CCSER1: variants seen among roughly 807,000 people sequenced by gnomAD.
CCSER1 encodes the protein coiled-coil serine rich protein 1.
CCSER1 carries 41 observed loss-of-function variants against 82.0 expected under a neutral mutation model. The ratio of observed to expected loss-of-function variants is 0.50; its 90% CI spans 0.39 to 0.65. The LOEUF (loss-of-function observed/expected upper bound fraction) is 0.65. CCSER1 is among the 30% of genes least tolerant of loss of function. The pLI, the probability that CCSER1 is intolerant of heterozygous loss-of-function variation, is 0.00. For missense variants in CCSER1, 1,119 were observed against 1,064.2 expected (o/e 1.05, Z -0.72); for synonymous variants, 414 against 383.9 (o/e 1.08, Z -0.92).
At chr4:90,932,994 A>AAGAAAGAAAGAAAGAAAGAAAG (rs1730278578) in intron 9 of CCSER1, among the ~76,000 whole-genome samples, 1 of 60,404 alleles carries the variant, frequency 1.7e-5, no homozygotes, top group Non-Finnish European at 3.0e-5. Context: ...GAAAGAAAGA[A>AAGAAAGAAAGAAAGAAAGAAAG]AGAAAGAAAG....
chr4:90,857,754 G>T (rs1475243703), intron 8 of CCSER1, among the ~76,000 whole-genome samples: 2 of 152,028 alleles, frequency 1.3e-5, no homozygotes, highest in East Asian at 3.9e-4. Context: ...ATGGGGAAAT[G>T]TAGGTCAAGG....
chr4:90,766,049 A>G (rs1386429088), intron 7 of CCSER1, among the ~76,000 whole-genome samples: 1 of 151,894 alleles, frequency 6.6e-6, no homozygotes, highest in Non-Finnish European at 1.5e-5. Flanking sequence ...AAAAAAAGGG[A>G]AAATGTGTGT....
rs560886670 is a variant in CCSER1, at chr4:90,966,328, GA to G, written c.2172+42890del. 9.1e-4 allele frequency among the ~76,000 whole-genome samples: 137 copies of G among 150,400 alleles called. 2 individuals are homozygous for G. The highest frequency in any genetic ancestry group is 6.7e-3 in the South Asian group (32 of 4,774). On this transcript the variant is annotated intron_variant, in intron 9 of 10. Coordinates refer to ENST00000509176, the MANE Select transcript of CCSER1 (RefSeq NM_001145065.2). The stretch of plus-strand genomic sequence containing the variant: ...AGTAGTTGAACTGTTGAAAGACAAA[GA>G]AAAAAAAATGTGAAGACAGCAAGAG...
intron 9 of CCSER1, among the ~76,000 whole-genome samples, chr4:91,075,848 T>A (rs1721939182): frequency 6.6e-6 from 1 of 152,116 alleles, no homozygotes; most frequent in Admixed American, 6.5e-5. Context: ...TGATTTTTTT[T>A]AAAGCAAATC....
At chr4:90,700,786 G>T (rs1485552938) in intron 6 of CCSER1, among the ~76,000 whole-genome samples, 1 of 152,124 alleles carries the variant, frequency 6.6e-6, no homozygotes, top group African/African-American at 2.4e-5. Flanking sequence ...ATAAATGTCT[G>T]CTTTTGAGAC....
intron 10 of CCSER1, among the ~76,000 whole-genome samples, chr4:91,432,413 T>C (rs1180084126): frequency 2.0e-5 from 3 of 152,204 alleles, no homozygotes; most frequent in Non-Finnish European, 4.4e-5. Flanking sequence ...ATAAATTCCA[T>C]GAAGAGGATT....
intron 10 of CCSER1, among the ~76,000 whole-genome samples, chr4:91,132,054 T>G (rs1728044976): frequency 6.6e-6 from 1 of 152,030 alleles, no homozygotes; most frequent in Non-Finnish European, 1.5e-5. Flanking sequence ...AGATTTAGAA[T>G]AACAAAACAA....
In CCSER1 at chr4:90,408,230, C is replaced by T. The variant is rs181537060; in HGVS notation, c.1603+8101C>T. Among the ~76,000 whole-genome samples, 203 of 152,314 alleles carry T rather than the reference C, an allele frequency of 1.3e-3. 1 individual carries two copies. Among genetic ancestry groups the T allele is most frequent in the African/African-American group, 4.6e-3 (190 of 41,584 alleles). On this transcript the variant is annotated intron_variant, in intron 4 of 10. Coordinates refer to ENST00000509176, the MANE Select transcript of CCSER1 (RefSeq NM_001145065.2). ...GGGCAGGGCACAGACAAACAAAAGA[C>T]AGCAATAACCTCTGCAGACTTAAAT...
chr4:91,348,120 A>AT (rs1232397452), intron 10 of CCSER1, among the ~76,000 whole-genome samples: 4 of 152,040 alleles, frequency 2.6e-5, no homozygotes, highest in Admixed American at 6.5e-5. Flanking sequence ...GTGTTTATAG[A>AT]TTTTTTATCA....
At chr4:90,530,567 G>A (rs1774379332) in intron 5 of CCSER1, among the ~76,000 whole-genome samples, 1 of 152,170 alleles carries the variant, frequency 6.6e-6, no homozygotes, top group South Asian at 2.1e-4. Flanking sequence ...AATATTCATG[G>A]AGATTCCTAG....
At chr4:90,297,807 C>T (rs1358049052) in intron 1 of CCSER1, among the ~76,000 whole-genome samples, 4 of 152,032 alleles carry the variant, frequency 2.6e-5, no homozygotes, top group East Asian at 3.9e-4. Context: ...TATTGATTTG[C>T]GTATATTGAA....
intron 9 of CCSER1, chr4:90,938,731 C>T: frequency 2.7e-6 from 1 of 373,358 alleles, no homozygotes; most frequent in South Asian, 2.2e-5. Context: ...CTTATTTCAA[C>T]TTAGGTTAAA....
At chr4:91,053,356 G>A (rs543477017) in intron 9 of CCSER1, among the ~76,000 whole-genome samples, 8 of 152,296 alleles carry the variant, frequency 5.3e-5, no homozygotes, top group Admixed American at 2.0e-4. Flanking sequence ...TCTGAAATGA[G>A]AATTCCATGC....
intron 10 of CCSER1, among the ~76,000 whole-genome samples, chr4:91,208,648 A>C (rs989154018): frequency 6.6e-6 from 1 of 151,908 alleles, no homozygotes; most frequent in African/African-American, 2.4e-5. Context: ...GAAATCAGGT[A>C]ATGTGATTCC....
intron 5 of CCSER1, among the ~76,000 whole-genome samples, chr4:90,621,371 G>T (rs77983846): frequency 0.028 from 4,190 of 151,864 alleles, 186 homozygotes; most frequent in African/African-American, 0.097. Flanking sequence ...CAGGAAGGAG[G>T]TATAAAATGA....
At chr4:91,567,840 A>AT (rs1762967679) in intron 10 of CCSER1, among the ~76,000 whole-genome samples, 1 of 152,052 alleles carries the variant, frequency 6.6e-6, no homozygotes, top group South Asian at 2.1e-4. Flanking sequence ...TGCATTTTAA[A>AT]TGGGGCATTT....
chr4:90,393,137 A>G lies in CCSER1; in HGVS notation c.1510-6899A>G, dbSNP rs192575358. The stretch of plus-strand genomic sequence containing the variant: ...ACTTGTACATCTCTCATTTTTTTGC[A>G]ATTTATAATTTATCTTCCTGGGATA... On this transcript the variant is annotated intron_variant, in intron 3 of 10. Coordinates refer to ENST00000509176, the MANE Select transcript of CCSER1 (RefSeq NM_001145065.2). Among the ~76,000 whole-genome samples the G allele has an allele frequency of 6.0e-4, 91 of 152,194 alleles. No individual in the cohort carries two copies. The East Asian group carries it at 8.3e-3, about 14-fold the overall frequency.
intron 10 of CCSER1, among the ~76,000 whole-genome samples, chr4:91,511,086 G>A (rs747259941): frequency 6.6e-6 from 1 of 151,770 alleles, no homozygotes; most frequent in Non-Finnish European, 1.5e-5. Context: ...TGAATAGGGA[G>A]CCTTTCCACT....
At chr4:91,431,064 G>A (rs1356074706) in intron 10 of CCSER1, among the ~76,000 whole-genome samples, 2 of 151,968 alleles carry the variant, frequency 1.3e-5, no homozygotes, top group Admixed American at 6.6e-5. Flanking sequence ...GTGAAACCCC[G>A]TCTCTACTAA....
Sources: gnomAD v4.1 joint callset for allele counts (sites outside exome capture counted in the v4.1 genomes callset) on GRCh38, gnomAD v4.1.1 for gene constraint, MANE v1.5 for transcripts, NCBI Gene and HGNC (gene_info 2026-07-23, HGNC 2026-07-21) for gene names.